HID1: variants seen among roughly 807,000 people sequenced by gnomAD.
HID1 encodes the protein HID1 domain containing.
HID1 carries 42 observed loss-of-function variants against 89.7 expected under a neutral mutation model. That is an observed-to-expected ratio of 0.47 (90% CI 0.37 to 0.61). The LOEUF is 0.61. Among genes scored for constraint, HID1 ranks in the 20% least tolerant of loss-of-function variants. The probability of loss-of-function intolerance (pLI) is 0.00; values close to 1 mark genes in which losing one functional copy is unlikely to be tolerated. For missense variants in HID1, 854 were observed against 1,039.3 expected, an observed-to-expected ratio of 0.82 and a Z score of 2.45; for synonymous variants, 442 against 433.8, an observed-to-expected ratio of 1.02 and a Z score of -0.24.
chr17:74,953,603 A>G lies in HID1; in HGVS notation c.1913T>C (p.Leu638Ser). Residue 638 changes from leucine to serine, a missense_variant, in exon 15 of 19, where the codon TTG becomes TCG. Coordinates refer to ENST00000425042, the MANE Select transcript of HID1 (RefSeq NM_030630.3). ...EKSQVSEDGTLRSLEPEPQQS... is the reference protein window; with the variant it reads ...EKSQVSEDGTSRSLEPEPQQS... The stretch of plus-strand genomic sequence containing the variant: ...CTGGGGCTCAGGTTCCAGGGACCGC[A>G]AGGTGCCATCCTCTGACACCTGGGA... The G allele has an allele frequency of 6.2e-7, 1 of 1,613,910 alleles. No homozygotes were observed. The highest frequency in any genetic ancestry group is 1.3e-5 in the African/African-American group (1 of 74,980).
Position 74,959,985 on chromosome 17 carries a change from C to T in HID1, c.951+41G>A, listed in dbSNP as rs201869961. The stretch of plus-strand genomic sequence containing the variant: ...GTGAGCAGGCGTCCTCCCCACAACC[C>T]GTGGCCCCGGCAGCTGTCCCTTCCA... On this transcript the variant is annotated intron_variant, in intron 7 of 18. Coordinates refer to ENST00000425042, the MANE Select transcript of HID1 (RefSeq NM_030630.3). This position sits in a 1 kb window ranked among gnomAD's most constrained non-coding sequence, Gnocchi z 4.6. 83 of 1,613,330 alleles carry T rather than the reference C, an allele frequency of 5.1e-5. 1 individual carries two copies. In the Middle Eastern group the frequency reaches 9.9e-4, roughly 19 times the overall value.
Position 74,964,500 on chromosome 17 carries a change from C to A in HID1, c.199G>T (p.Ala67Ser), listed in dbSNP as rs781071699. ...GCCCTCACCTTGTAGCACAGGGTGG[C>A]CAAGTTGGAGGGTGACTCTTCCCGC... ...AVREESPSNL[A>S]TLCYKAVEKL... Residue 67 changes from alanine (A) to serine (S), a missense_variant, in exon 2 of 19, where the codon GCC (alanine) becomes TCC (serine). Transcript: ENST00000425042. The A allele has an allele frequency of 2.5e-5, 41 of 1,609,902 alleles. No homozygotes were observed. The highest frequency in any genetic ancestry group is 5.0e-5 in the Admixed American group (3 of 59,456).
chr17:74,962,459 T>C lies in HID1; in HGVS notation c.505-119A>G. On this transcript the variant is annotated intron_variant, in intron 4 of 18. Coordinates refer to ENST00000425042, the MANE Select transcript of HID1 (RefSeq NM_030630.3). The surrounding 1 kb of genome is among the most constrained non-coding windows in gnomAD (Gnocchi z 4.3). Reference sequence around the variant, plus strand: ...CAGGGGCAGAGACCGCCAGTTCTCCTAAAGACAGGTCCTCAAAATGGCCTG... The same window carrying C: ...CAGGGGCAGAGACCGCCAGTTCTCCCAAAGACAGGTCCTCAAAATGGCCTG... The C allele has an allele frequency of 1.7e-6, 1 of 600,872 alleles. No individual in the cohort carries two copies. The allele number at this position is 600,872 out of a possible 1,614,324, so 37.2% of individuals were successfully genotyped here.
At chr17:74,966,232 C>T (rs569943367) in intron 1 of HID1, among the ~76,000 whole-genome samples, 12 of 144,982 alleles carry the variant, frequency 8.3e-5, no homozygotes, top group Admixed American at 5.7e-4. Context: ...CGCAGTGAGC[C>T]GAGATCGCGC....
At position 74,959,558 on chromosome 17, in the gene HID1, C is replaced by T. The variant is rs1048187686; in HGVS notation, c.1008+323G>A. On this transcript the variant is annotated intron_variant, in intron 8 of 18. Coordinates refer to ENST00000425042, the MANE Select transcript of HID1 (RefSeq NM_030630.3). The surrounding 1 kb of genome is among the most constrained non-coding windows in gnomAD (Gnocchi z 4.6). The stretch of plus-strand genomic sequence containing the variant: ...GTTAGAACTCTGGGAGTTCAAGCAC[C>T]TTCCCACCAAGATCACAAGACACAT... 6.6e-6 allele frequency among the ~76,000 whole-genome samples: 1 copy of T among 152,182 alleles called. No homozygotes were observed. The highest frequency in any genetic ancestry group is 1.5e-5 in the Non-Finnish European group (1 of 68,026).
intron 3 of HID1, 58 bp downstream of exon 3, chr17:74,963,682 G>C: frequency 1.3e-6 from 2 of 1,497,844 alleles, no homozygotes; most frequent in Non-Finnish European, 9.0e-7. Context: ...GCCCTAAAGG[G>C]CGCTCTCCCT....
rs901221962 is a variant in HID1, at chr17:74,954,382, T to C, written c.1637-17A>G. The C allele has an allele frequency of 3.2e-6, 5 of 1,553,850 alleles. No homozygotes were observed. Among genetic ancestry groups the C allele is most frequent in the Middle Eastern group, 1.8e-4 (1 of 5,566 alleles). Reference sequence around the variant, plus strand: ...TGGAGTTGCCTGTGGGCAGGGAGCATGCCTCGCCTCAGGGAGGCCCCCTCC... The same window carrying C: ...TGGAGTTGCCTGTGGGCAGGGAGCACGCCTCGCCTCAGGGAGGCCCCCTCC... On this transcript the variant is annotated splice_polypyrimidine_tract_variant and intron_variant, in intron 13 of 18. Transcript: ENST00000425042.
chr17:74,972,625 C>T lies in HID1; in HGVS notation c.32G>A (p.Arg11Gln), dbSNP rs1355913666. 3 of 1,549,142 alleles carry T rather than the reference C, an allele frequency of 1.9e-6. No homozygotes were observed. The highest frequency in any genetic ancestry group is 2.6e-6 in the Non-Finnish European group (3 of 1,145,756). ...GGTGGTGAGCTGGATCACCGCCTTC[C>T]GGAAGTTCAGCTTGGAGTCGGTCGA... Reference protein sequence around the residue: MGSTDSKLNFRKAVIQLTTKT... With the variant: MGSTDSKLNFQKAVIQLTTKT... The change falls in exon 1 of 19, where the codon CGG (arginine) becomes CAG (glutamine). Residue 11 changes from arginine to glutamine, a missense_variant. Coordinates refer to ENST00000425042, the MANE Select transcript of HID1 (RefSeq NM_030630.3). This position sits in a 1 kb window ranked among gnomAD's most constrained non-coding sequence, Gnocchi z 6.4.
Position 74,972,208 on chromosome 17 carries a change from G to A in HID1, c.66+383C>T, listed in dbSNP as rs1730052324. Among the ~76,000 whole-genome samples, 2 of 151,404 alleles carry A rather than the reference G, an allele frequency of 1.3e-5. No individual in the cohort carries two copies. The highest frequency in any genetic ancestry group is 4.2e-4 in the South Asian group (2 of 4,810). The stretch of plus-strand genomic sequence containing the variant: ...GTCCGGGACCCGCGGGCAATGAGGG[G>A]CAGGGAGGGGAGCGGACGGTGGATG... On this transcript the variant is annotated intron_variant, in intron 1 of 18. Coordinates refer to ENST00000425042, the MANE Select transcript of HID1 (RefSeq NM_030630.3). This position sits in a 1 kb window ranked among gnomAD's most constrained non-coding sequence, Gnocchi z 6.4.
In HID1 at chr17:74,952,313, C is replaced by A. The variant is rs764680283; in HGVS notation, c.2100G>T (p.Leu700=). 5 of 1,613,904 alleles carry A rather than the reference C, an allele frequency of 3.1e-6. No homozygotes were observed. The Admixed American group carries it at 8.3e-5, about 27-fold the overall frequency. The part of the protein sequence containing the change: ...SKLPLQTIMR[L]LQVLVPQVEK... Reference sequence around the variant, plus strand: ...CCACCTGCGGAACCAGCACCTGCAGCAGCCTCATGATGGTCTGCAGCGGCA... The same window carrying A: ...CCACCTGCGGAACCAGCACCTGCAGAAGCCTCATGATGGTCTGCAGCGGCA... Residue 700 remains leucine, a synonymous_variant, in exon 17 of 19, where the codon CTG becomes CTT. Coordinates refer to ENST00000425042, the MANE Select transcript of HID1 (RefSeq NM_030630.3).
intron 15 of HID1, among the ~76,000 whole-genome samples, chr17:74,953,309 G>A (rs2039335673): frequency 6.6e-6 from 1 of 152,190 alleles, no homozygotes; most frequent in African/African-American, 2.4e-5. Context: ...ATAAGGCGGA[G>A]GGATGAGAAG....
At position 74,962,064 on chromosome 17, in the gene HID1, C is replaced by T. The variant is rs181255893; in HGVS notation, c.612-75G>A. The stretch of plus-strand genomic sequence containing the variant: ...AGGTTCTGCCCACCCAGCCCAGCGC[C>T]CCAGCCCAGGTCCATGGAAGGAAGT... On this transcript the variant is annotated intron_variant, in intron 5 of 18. Coordinates refer to ENST00000425042, the MANE Select transcript of HID1 (RefSeq NM_030630.3). The surrounding 1 kb of genome is among the most constrained non-coding windows in gnomAD (Gnocchi z 4.3). The T allele has an allele frequency of 7.3e-5, 92 of 1,254,380 alleles. No homozygotes were observed. The highest frequency in any genetic ancestry group is 2.9e-4 in the Admixed American group (11 of 37,828). The allele number at this position is 1,254,380 out of a possible 1,614,324, so 77.7% of individuals were successfully genotyped here. A position where few individuals can be genotyped will look rare whatever the true frequency, so the allele number is the denominator to read the frequency against.
chr17:74,965,341 A>C (rs1339116515), intron 1 of HID1, among the ~76,000 whole-genome samples: 1 of 152,108 alleles, frequency 6.6e-6, no homozygotes, highest in Non-Finnish European at 1.5e-5. Context: ...CTGCTTCCTC[A>C]CCCAGAGCCC....
intron 1 of HID1, among the ~76,000 whole-genome samples, chr17:74,966,283 CAAAAAAAAAAA>C (rs34312915): frequency 2.8e-5 from 2 of 70,942 alleles, no homozygotes; most frequent in African/African-American, 5.3e-5. Flanking sequence ...GACTCTGTCT[CAAAAAAAAAAA>C]AAAAAAAAAA....
In HID1 at chr17:74,962,097, G is replaced by A. The variant is rs868763928; in HGVS notation, c.612-108C>T. The A allele has an allele frequency of 8.2e-6, 9 of 1,098,778 alleles. No individual in the cohort carries two copies. Among genetic ancestry groups the A allele is most frequent in the Non-Finnish European group, 1.2e-5 (9 of 772,528 alleles). 68.1% of individuals were successfully genotyped at this position (1,098,778 alleles called of 1,614,324 possible). ...AGGTCCATGGAAGGAAGTTACTCCC[G>A]TTGACCCCTGTAAGGTCAAGGTCGG... On this transcript the variant is annotated intron_variant, in intron 5 of 18. Transcript: ENST00000425042. The surrounding 1 kb of genome is among the most constrained non-coding windows in gnomAD (Gnocchi z 4.3).
chr17:74,955,876 A>C lies in HID1; in HGVS notation c.1552T>G (p.Phe518Val), dbSNP rs535980446. The C allele has an allele frequency of 5.0e-6, 8 of 1,614,156 alleles. No individual in the cohort carries two copies. The African/African-American group carries it at 1.1e-4, about 22-fold the overall frequency. The change falls in exon 13 of 19, where the codon TTC (phenylalanine) becomes GTC (valine). Residue 518 changes from phenylalanine to valine, a missense_variant. Coordinates refer to ENST00000425042, the MANE Select transcript of HID1 (RefSeq NM_030630.3). ...TGGTTCTGGGCGGCAGAGAAGAGGAACCAGGTGGTGGAGAAGGCCTCCAGC... is the reference window on the plus strand; with the variant it reads ...TGGTTCTGGGCGGCAGAGAAGAGGACCCAGGTGGTGGAGAAGGCCTCCAGC... The part of the protein sequence containing the change: ...HLLEAFSTTW[F>V]LFSAAQNHHL...
intron 16 of HID1, 120 bp downstream of exon 16, chr17:74,952,886 C>G: frequency 1.4e-6 from 1 of 731,352 alleles, no homozygotes; most frequent in Non-Finnish European, 2.2e-6. Context: ...TCCTTTGATT[C>G]GGACATCTTG....
rs769814232 is a variant in HID1 at position 74,957,502 on chromosome 17, A to AAAAT, written c.1471+635_1471+638dup. ...TTAAAAATAAAAAATAAAATAAAAT[A>AAAAT]AAATAAATAAATAAATAAAGTAAAA... On this transcript the variant is annotated intron_variant, in intron 12 of 18. Transcript: ENST00000425042. 1.8e-4 allele frequency among the ~76,000 whole-genome samples: 27 copies of AAAAT among 151,840 alleles called. 1 individual carries two copies. Among genetic ancestry groups the AAAAT allele is most frequent in the Non-Finnish European group, 2.6e-4 (18 of 67,944 alleles).
chr17:74,954,460 C>G, intron 13 of HID1, 95 bp from the exon 14 acceptor site: 1 of 1,536,284 alleles, frequency 6.5e-7, no homozygotes, highest in Non-Finnish European at 8.7e-7. Context: ...GTTTGGAGGA[C>G]AGGAGGGTGT....
Sources: gnomAD v4.1 joint callset for allele counts (sites outside exome capture counted in the v4.1 genomes callset) on GRCh38, gnomAD v4.1.1 for gene constraint, Gnocchi (gnomAD v3.1) non-coding constraint, MANE v1.5 for transcripts, NCBI Gene and HGNC (gene_info 2026-07-23, HGNC 2026-07-21) for gene names.